Variants in EPHA7 observed in about 807,000 individuals in gnomAD.
The protein encoded by EPHA7 is ephrin type-A receptor 7.
EPHA7 carries 25 observed loss-of-function variants against 112.6 expected under a neutral mutation model. The ratio of observed to expected loss-of-function variants is 0.22; its 90% CI spans 0.16 to 0.31. The LOEUF (loss-of-function observed/expected upper bound fraction) is 0.31. Among genes scored for constraint, EPHA7 ranks in the 10% least tolerant of loss-of-function variants. The pLI, the probability that EPHA7 is intolerant of heterozygous loss-of-function variation, is 1.00. For missense variants in EPHA7, 962 were observed against 1,212.6 expected, an observed-to-expected ratio of 0.79 and a Z score of 3.07; for synonymous variants, 437 against 406.5, an observed-to-expected ratio of 1.07 and a Z score of -0.90.
In EPHA7 at chr6:93,356,867, G is replaced by C. The variant is rs767702045; in HGVS notation, c.1174C>G (p.Gln392Glu). 3 of 1,614,164 alleles carry C rather than the reference G, an allele frequency of 1.9e-6. No homozygotes were observed. Residue 392 changes from glutamine to glutamate, a missense_variant, in exon 5 of 17, where the codon CAG (glutamine) becomes GAG (glutamate). Gln to Glu is a conservative substitution (Grantham distance 29). Around this residue, in one of 3 missense-constraint regions of EPHA7, gnomAD observed 746 missense variants for 889.2 expected, o/e 0.84. Transcript: ENST00000369303. ...CGSNIGYMPQQTGLEDNYVTV... is the reference protein window; with the variant it reads ...CGSNIGYMPQETGLEDNYVTV... ...ACATAGTTATCCTCTAATCCAGTCT[G>C]CTGGGGCATGTATCCAATGTTACTC...
chr6:93,385,733 C>A (rs1344371410), intron 3 of EPHA7, among the ~76,000 whole-genome samples: 3 of 151,662 alleles, frequency 2.0e-5, no homozygotes, highest in Middle Eastern at 3.2e-3. Flanking sequence ...GATTAGATAG[C>A]TAGATAGATA....
chr6:93,358,773 G>A (rs557611694), intron 3 of EPHA7, among the ~76,000 whole-genome samples: 1 of 152,192 alleles, frequency 6.6e-6, no homozygotes, highest in South Asian at 2.1e-4. Flanking sequence ...TTGTTGGTCT[G>A]CATTAGAACA....
chr6:93,321,185 A>G (rs1343396798), intron 5 of EPHA7, among the ~76,000 whole-genome samples: 1 of 152,008 alleles, frequency 6.6e-6, no homozygotes, highest in Non-Finnish European at 1.5e-5. Context: ...AAAAATGTAT[A>G]TAACTGGTCT....
In EPHA7 at chr6:93,256,018, G is replaced by T; in HGVS notation, c.2192C>A (p.Thr731Lys). ...AFLRKHDGQF[T>K]VIQLVGMLRG... Reference sequence around the variant, plus strand: ...CAGCATTCCTACTAACTGAATGACTGTAAATTGCCCATCATGTTTCTGCAG... The same window carrying T: ...CAGCATTCCTACTAACTGAATGACTTTAAATTGCCCATCATGTTTCTGCAG... Residue 731 changes from threonine (T) to lysine (K), a missense_variant, in exon 13 of 17, where the codon ACA becomes AAA. Physicochemically the swap from Thr to Lys is moderately conservative, Grantham distance 78. Around this residue, in one of 3 missense-constraint regions of EPHA7, gnomAD observed 746 missense variants for 889.2 expected, o/e 0.84. Coordinates refer to ENST00000369303, the MANE Select transcript of EPHA7 (RefSeq NM_004440.4). 6.2e-7 allele frequency: 1 copy of T among 1,613,976 alleles called. No individual in the cohort carries two copies.
At chr6:93,352,167 T>C (rs1775726917) in intron 5 of EPHA7, among the ~76,000 whole-genome samples, 1 of 152,124 alleles carries the variant, frequency 6.6e-6, no homozygotes, top group South Asian at 2.1e-4. Context: ...ACACAGTTCC[T>C]GATTTGAAGG....
At chr6:93,371,278 T>C (rs929007592) in intron 3 of EPHA7, among the ~76,000 whole-genome samples, 1 of 151,314 alleles carries the variant, frequency 6.6e-6, no homozygotes, top group African/African-American at 2.4e-5. Flanking sequence ...TAACAAAAAA[T>C]AATGCAACAA....
chr6:93,354,485 T>A (rs925113506), intron 5 of EPHA7, among the ~76,000 whole-genome samples: 1 of 151,952 alleles, frequency 6.6e-6, no homozygotes, highest in Non-Finnish European at 1.5e-5. Flanking sequence ...TTTATCATTT[T>A]TTCTTTTCAT....
intron 9 of EPHA7, among the ~76,000 whole-genome samples, chr6:93,262,471 T>A (rs1018789385): frequency 7.3e-5 from 11 of 151,332 alleles, no homozygotes; most frequent in Non-Finnish European, 1.6e-4. Flanking sequence ...ATACTTTTTT[T>A]AGGGGAAAGA....
At chr6:93,363,025 T>G (rs539925592) in intron 3 of EPHA7, among the ~76,000 whole-genome samples, 1 of 152,224 alleles carries the variant, frequency 6.6e-6, no homozygotes, top group South Asian at 2.1e-4. Flanking sequence ...GCACCAACTT[T>G]TATCTCAGAC....
chr6:93,353,181 C>T (rs182793329), intron 5 of EPHA7, among the ~76,000 whole-genome samples: 13 of 151,990 alleles, frequency 8.6e-5, no homozygotes, highest in African/African-American at 2.7e-4. Context: ...TATGTTTTCC[C>T]CCTACTTCTA....
chr6:93,385,693 T>C (rs1295609249), intron 3 of EPHA7, among the ~76,000 whole-genome samples: 1 of 152,012 alleles, frequency 6.6e-6, no homozygotes, highest in Non-Finnish European at 1.5e-5. Context: ...TAGATATACA[T>C]AGAGATGGTG....
At chr6:93,262,485 C>T (rs1402318283) in intron 9 of EPHA7, among the ~76,000 whole-genome samples, 1 of 151,198 alleles carries the variant, frequency 6.6e-6, no homozygotes, top group East Asian at 1.9e-4. Flanking sequence ...GGAAAGAATA[C>T]ATGATTATAT....
intron 3 of EPHA7, among the ~76,000 whole-genome samples, chr6:93,360,310 AT>A (rs3839558): frequency 0.18 from 27,056 of 151,950 alleles, 2,820 homozygotes; most frequent in East Asian, 0.36. Context: ...TTTATGTATT[AT>A]TTGTAATTCA....
chr6:93,315,119 C>T (rs1407327165), intron 5 of EPHA7, among the ~76,000 whole-genome samples: 2 of 150,268 alleles, frequency 1.3e-5, no homozygotes, highest in African/African-American at 2.5e-5. Flanking sequence ...GCCTCGGCCT[C>T]CCAAAGTGCT....
At chr6:93,396,445 AT>A (rs1778175868) in intron 3 of EPHA7, among the ~76,000 whole-genome samples, 1 of 151,922 alleles carries the variant, frequency 6.6e-6, no homozygotes, top group African/African-American at 2.4e-5. Flanking sequence ...GCATATAAAA[AT>A]ATTTAATACC....
In EPHA7 at chr6:93,254,631, T is replaced by C; in HGVS notation, c.2532+16A>G. On this transcript the variant is annotated intron_variant, in intron 14 of 16. Coordinates refer to ENST00000369303, the MANE Select transcript of EPHA7 (RefSeq NM_004440.4). ...ATGTATTCAATCCTTTTTGTTTAAA[T>C]GAATGTAACACCTACATCTTGATTT... is the stretch of plus-strand genomic sequence containing the variant. 2 of 1,607,452 alleles carry C rather than the reference T, an allele frequency of 1.2e-6. No individual in the cohort carries two copies. Among genetic ancestry groups the C allele is most frequent in the Non-Finnish European group, 1.7e-6 (2 of 1,175,790 alleles).
intron 6 of EPHA7, among the ~76,000 whole-genome samples, chr6:93,271,277 T>C (rs1359089347): frequency 2.0e-5 from 3 of 150,912 alleles, no homozygotes; most frequent in African/African-American, 7.3e-5. Context: ...TAAACTAATT[T>C]TTCTTTAAAA....
chr6:93,289,904 A>T (rs2127834699), intron 5 of EPHA7, among the ~76,000 whole-genome samples: 1 of 152,286 alleles, frequency 6.6e-6, no homozygotes, highest in African/African-American at 2.4e-5. Flanking sequence ...ATTTTAGTTT[A>T]TATATTCCCT....
chr6:93,329,346 CAG>C (rs1258417309), intron 5 of EPHA7, among the ~76,000 whole-genome samples: 1 of 151,330 alleles, frequency 6.6e-6, no homozygotes, highest in Non-Finnish European at 1.5e-5. Context: ...TTATTTCAAA[CAG>C]AAAGTTTAAA....
Sources: gnomAD v4.1 joint callset for allele counts (sites outside exome capture counted in the v4.1 genomes callset) on GRCh38, gnomAD v4.1.1 for gene constraint, gnomAD v4.1.1 regional missense constraint, MANE v1.5 for transcripts, NCBI Gene and HGNC (gene_info 2026-07-23, HGNC 2026-07-21) for gene names.